Variants in C2orf92 observed in about 807,000 individuals in gnomAD.
C2orf92 encodes chromosome 2 open reading frame 92, also known as uncharacterized protein C2orf92.
rs187368711 is a variant in C2orf92 at position 97,672,065 on chromosome 2, C to T, written c.46+2231C>T. Among the ~76,000 whole-genome samples, 531 of 152,232 alleles carry T rather than the reference C, an allele frequency of 3.5e-3. 4 individuals carry two copies. The highest frequency in any genetic ancestry group is 0.029 in the South Asian group (139 of 4,828). The stretch of plus-strand genomic sequence containing the variant: ...GGAAGTCTTTAGCAGAGAGCTGAGA[C>T]GGAGAAAAGGGTTCTGAACCACAGC... On this transcript the variant is annotated intron_variant, in intron 1 of 7. Transcript: ENST00000627399.
At chr2:97,697,052 G>A (rs1559306775) in intron 5 of C2orf92, among the ~76,000 whole-genome samples, 1 of 152,210 alleles carries the variant, frequency 6.6e-6, no homozygotes, top group East Asian at 1.9e-4. Context: ...ACTCCTTTAA[G>A]AAGGTTTTTA....
At chr2:97,698,155 A>G (rs1466809312) in intron 5 of C2orf92, 3 of 151,938 alleles carry the variant, frequency 2.0e-5, no homozygotes, top group Admixed American at 2.0e-4. Context: ...TTGATAGCTC[A>G]CCTTCTAAAT....
chr2:97,674,987 C>T (rs1675530269), intron 2 of C2orf92, among the ~76,000 whole-genome samples: 2 of 152,170 alleles, frequency 1.3e-5, no homozygotes, highest in Admixed American at 6.5e-5. Context: ...TCCTGCGTCC[C>T]TCCCTGTCAC....
At chr2:97,699,715 C>T (rs1265241970) in intron 6 of C2orf92, among the ~76,000 whole-genome samples, 1 of 152,230 alleles carries the variant, frequency 6.6e-6, no homozygotes, top group East Asian at 1.9e-4. Flanking sequence ...CCTCGCTCAT[C>T]CCTGAGCCCA....
At chr2:97,668,664 T>G (rs1025253214), upstream of C2orf92, 20 of 152,418 alleles carry the variant, frequency 1.3e-4, no homozygotes, top group African/African-American at 4.6e-4. Context: ...TTTTCTTTTT[T>G]CTTTTTTGAG....
upstream of C2orf92, chr2:97,667,917 T>G (rs1370082894): frequency 6.6e-6 from 1 of 152,200 alleles, no homozygotes. Context: ...ACCAATCTCC[T>G]GTCCCCAGGG....
At chr2:97,666,218 G>A (rs1016178791), upstream of C2orf92, among the ~76,000 whole-genome samples, 12 of 151,482 alleles carry the variant, frequency 7.9e-5, no homozygotes, top group African/African-American at 2.9e-4. Context: ...GTTGGGACTA[G>A]CAAGGAATGT....
At chr2:97,697,236 T>A (rs1401961649) in intron 5 of C2orf92, 1 of 152,198 alleles carries the variant, frequency 6.6e-6, no homozygotes, top group Non-Finnish European at 1.5e-5. Flanking sequence ...GTGCTTATTT[T>A]TTCCCACAAA....
chr2:97,684,254 T>C (rs967187155), intron 3 of C2orf92, among the ~76,000 whole-genome samples: 33 of 152,022 alleles, frequency 2.2e-4, no homozygotes, highest in African/African-American at 7.2e-4. Context: ...CCAGGATGGT[T>C]TCGATCCCCT....
At chr2:97,671,514 T>G (rs1675410946) in intron 1 of C2orf92, 1 of 398,464 alleles carries the variant, frequency 2.5e-6, no homozygotes, top group African/African-American at 2.1e-5. Context: ...GTTACCCCAC[T>G]CCCTGTGGAA....
Position 97,702,901 on chromosome 2 carries a change from G to T in C2orf92, c.*100G>T, listed in dbSNP as rs77652378. The stretch of plus-strand genomic sequence containing the variant: ...AGGCAATTCCATTTCTGCCCGGGAG[G>T]TGTATTCTACAAAAACGTCTGCTTC... On this transcript the variant is annotated 3_prime_UTR_variant, in exon 8 of 8. Transcript: ENST00000627399. 1.8e-5 allele frequency: 7 copies of T among 397,444 alleles called. No individual in the cohort carries two copies. Among genetic ancestry groups the T allele is most frequent in the Non-Finnish European group, 3.1e-5 (7 of 225,628 alleles). The allele number at this position is 397,444 out of a possible 1,614,324, so 24.6% of individuals were successfully genotyped here. A position where few individuals can be genotyped will look rare whatever the true frequency, so the allele number is the denominator to read the frequency against.
At position 97,670,159 on chromosome 2, in the gene C2orf92, C is replaced by T. The variant is rs564416947; in HGVS notation, c.46+325C>T. ...TAAAGAACCACCATATGCTAACTAACCCTCCTGATTTTATCTATATATATG... is the reference window on the plus strand; with the variant it reads ...TAAAGAACCACCATATGCTAACTAATCCTCCTGATTTTATCTATATATATG... On this transcript the variant is annotated intron_variant, in intron 1 of 7. Coordinates refer to ENST00000627399, the MANE Select transcript of C2orf92 (RefSeq NM_001351368.2). The T allele has an allele frequency of 2.9e-5, 6 of 207,452 alleles. No homozygotes were observed. The East Asian group carries it at 4.0e-4, about 14-fold the overall frequency. 12.9% of individuals were successfully genotyped at this position (207,452 alleles called of 1,614,324 possible).
At chr2:97,664,309 C>T (rs1675131457) in exon 1 of C2orf92, 1 of 152,560 alleles carries the variant, frequency 6.6e-6, no homozygotes, top group Non-Finnish European at 1.5e-5. Flanking sequence ...GCTGGAAATT[C>T]ACCGGTCCAG....
chr2:97,698,398 C>T (rs1261169341), intron 5 of C2orf92, among the ~76,000 whole-genome samples: 2 of 152,222 alleles, frequency 1.3e-5, no homozygotes, highest in Non-Finnish European at 2.9e-5. Flanking sequence ...AAATATTTCT[C>T]ATTTTCGACT....
intron 3 of C2orf92, among the ~76,000 whole-genome samples, chr2:97,685,005 C>G (rs1296047400): frequency 2.0e-5 from 3 of 151,844 alleles, no homozygotes; most frequent in Admixed American, 2.0e-4. Context: ...TCTTGGCTCA[C>G]TGCAAGCTTC....
chr2:97,671,065 C>T (rs1675397496), intron 1 of C2orf92: 1 of 153,510 alleles, frequency 6.5e-6, no homozygotes, highest in Admixed American at 6.5e-5. Context: ...GATTATCCTG[C>T]CTCAGCCTCC....
At chr2:97,690,772 GT>G (rs796474677) in intron 5 of C2orf92, among the ~76,000 whole-genome samples, 151 of 120,970 alleles carry the variant, frequency 1.2e-3, no homozygotes, top group Admixed American at 5.1e-3. Flanking sequence ...GAGAGTACTT[GT>G]TTTTTTTTTT....
At chr2:97,679,036 A>G (rs1405798806) in intron 3 of C2orf92, among the ~76,000 whole-genome samples, 2 of 152,032 alleles carry the variant, frequency 1.3e-5, no homozygotes, top group Non-Finnish European at 2.9e-5. Flanking sequence ...TCTCTATCTG[A>G]CAAAATTATC....
chr2:97,679,445 T>G (rs1675688044), intron 3 of C2orf92, among the ~76,000 whole-genome samples: 1 of 152,172 alleles, frequency 6.6e-6, no homozygotes. Context: ...TGTTAAAAAT[T>G]TAAGATACTA....
Sources: gnomAD v4.1 joint callset for allele counts (sites outside exome capture counted in the v4.1 genomes callset) on GRCh38, gnomAD v4.1.1 for gene constraint, MANE v1.5 for transcripts, NCBI Gene and HGNC (gene_info 2026-07-23, HGNC 2026-07-21) for gene names.